GSAP: variants seen among roughly 807,000 people sequenced by gnomAD.
GSAP encodes the protein gamma-secretase-activating protein.
A neutral mutation model predicts 131.7 loss-of-function variants in GSAP; 118 were observed. That is an observed-to-expected ratio of 0.90 (90% confidence interval 0.77 to 1.04). The LOEUF is 1.04. GSAP is among the 50% of genes least tolerant of loss of function. The probability of loss-of-function intolerance (pLI) is 0.00; values close to 1 mark genes in which losing one functional copy is unlikely to be tolerated. For missense variants in GSAP, 1,019 were observed against 1,013.2 expected (o/e 1.01, Z -0.08); for synonymous variants, 381 against 363.4 (o/e 1.05, Z -0.55).
intron 14 of GSAP, among the ~76,000 whole-genome samples, chr7:77,357,105 C>T (rs570103838): frequency 2.8e-4 from 42 of 152,124 alleles, no homozygotes; most frequent in Non-Finnish European, 5.1e-4. Flanking sequence ...GCACTATGTC[C>T]GTGGGGTGGT....
rs1352156235 is a variant in GSAP at position 77,406,020 on chromosome 7, T to C, written c.186+9A>G. On this transcript the variant is annotated intron_variant, in intron 2 of 30. Transcript: ENST00000257626. The stretch of plus-strand genomic sequence containing the variant: ...CATCTTACCACAATAAAAAAGAATA[T>C]AGACATACCTTATAGGTATAAATAA... 2 of 904,914 alleles carry C rather than the reference T, an allele frequency of 2.2e-6. No individual in the cohort carries two copies. The highest frequency in any genetic ancestry group is 3.1e-6 in the Non-Finnish European group (2 of 646,138). The allele number at this position is 904,914 out of a possible 1,614,324, so 56.1% of individuals were successfully genotyped here. A position where few individuals can be genotyped will look rare whatever the true frequency, so the allele number is the denominator to read the frequency against.
intron 3 of GSAP, among the ~76,000 whole-genome samples, chr7:77,400,922 A>C (rs1176529669): frequency 2.7e-5 from 4 of 150,676 alleles, no homozygotes; most frequent in Non-Finnish European, 5.9e-5. Context: ...CACAACTGAA[A>C]AATACAATTA....
intron 3 of GSAP, among the ~76,000 whole-genome samples, chr7:77,400,648 A>C (rs1336763270): frequency 3.3e-5 from 5 of 152,230 alleles, no homozygotes; most frequent in Non-Finnish European, 7.3e-5. Context: ...AAGACTTAAA[A>C]AACATCCAGA....
chr7:77,347,088 G>A (rs943506561), intron 19 of GSAP, among the ~76,000 whole-genome samples: 4 of 152,096 alleles, frequency 2.6e-5, no homozygotes, highest in Non-Finnish European at 1.5e-5. Context: ...CTGAACAGGT[G>A]GAGGTTCCTG....
At chr7:77,349,850 ATTCT>A (rs1165776470) in intron 18 of GSAP, among the ~76,000 whole-genome samples, 1 of 152,142 alleles carries the variant, frequency 6.6e-6, no homozygotes, top group Non-Finnish European at 1.5e-5. Context: ...GACTAACAGG[ATTCT>A]TGCATGACTT....
At chr7:77,388,036 T>C (rs920682075) in intron 5 of GSAP, among the ~76,000 whole-genome samples, 1 of 152,328 alleles carries the variant, frequency 6.6e-6, no homozygotes, top group East Asian at 1.9e-4. Flanking sequence ...TCTGAAAATA[T>C]AAATATGCTA....
In GSAP at chr7:77,323,718, A is replaced by T. The variant is rs115276604; in HGVS notation, c.1852T>A (p.Phe618Ile). The change falls in exon 24 of 31, where the codon TTT (phenylalanine) becomes ATT (isoleucine). Residue 618 changes from phenylalanine to isoleucine, a missense_variant. By Grantham distance (21) the Phe-to-Ile change is conservative. Transcript: ENST00000257626. ...GLMVSELKDH[F>I]LRHLQGVEKK... ...TCTACACCCTGTAGGTGTCTCAAAAAATGGTCTTTTAGCTCAGACACCATC... is the reference window on the plus strand; with the variant it reads ...TCTACACCCTGTAGGTGTCTCAAAATATGGTCTTTTAGCTCAGACACCATC... 3,803 of 1,599,544 alleles carry T rather than the reference A, an allele frequency of 2.4e-3. 75 individuals are homozygous for T. The African/African-American group carries it at 0.045, about 19-fold the overall frequency.
rs1554395428 is a variant in GSAP at position 77,346,287 on chromosome 7, A to AAAAAAAG, written c.1545+3063_1545+3064insCTTTTTT. 2.7e-4 allele frequency among the ~76,000 whole-genome samples: 40 copies of AAAAAAAG among 150,402 alleles called. 1 individual carries two copies. The East Asian group carries it at 5.7e-3, about 21-fold the overall frequency. ...CTCCATCTCAAAAAAAAAAAAAAAA[A>AAAAAAAG]AAAGAAAGAAAGAAAAAAAATTCTC... On this transcript the variant is annotated intron_variant, in intron 19 of 30. Transcript: ENST00000257626.
rs1382971595 is a variant in GSAP at position 77,378,802 on chromosome 7, T to A, written c.577-1412A>T. Among the ~76,000 whole-genome samples, 7 of 152,318 alleles carry A rather than the reference T, an allele frequency of 4.6e-5. No homozygotes were observed. In the East Asian group the frequency reaches 1.4e-3, roughly 29 times the overall value. ...ATAATTTAACAGAAGCAGTTAAGAA[T>A]TAACTTTCCTCAAAATGCTTATTAA... On this transcript the variant is annotated intron_variant, in intron 8 of 30. Coordinates refer to ENST00000257626, the MANE Select transcript of GSAP (RefSeq NM_017439.4).
At chr7:77,312,354 T>G (rs1794478948) in intron 28 of GSAP, 152 bp from the exon 29 acceptor site, 2 of 540,864 alleles carry the variant, frequency 3.7e-6, no homozygotes, top group African/African-American at 3.8e-5. Context: ...AGAAATGCCA[T>G]GTTCCTATGA....
intron 14 of GSAP, among the ~76,000 whole-genome samples, chr7:77,357,116 G>A (rs1793868317): frequency 1.3e-5 from 2 of 152,250 alleles, no homozygotes; most frequent in South Asian, 2.1e-4. Context: ...GTGGGGTGGT[G>A]GCATTTGAAA....
intron 16 of GSAP, 119 bp downstream of exon 16, chr7:77,355,094 G>T: frequency 1.5e-6 from 1 of 661,406 alleles, no homozygotes; most frequent in Non-Finnish European, 2.6e-6. Context: ...CAGCAGCAAG[G>T]CCACACACCT....
chr7:77,311,963 T>C (rs181484426), intron 29 of GSAP, 23 bp from the exon 30 acceptor site: 2 of 1,367,402 alleles, frequency 1.5e-6, no homozygotes, highest in East Asian at 2.3e-5. Context: ...CCACTTCTGG[T>C]GTAAGCTGAT....
chr7:77,361,457 A>C (rs1186465243), intron 13 of GSAP, among the ~76,000 whole-genome samples: 4 of 152,204 alleles, frequency 2.6e-5, no homozygotes, highest in African/African-American at 9.6e-5. Flanking sequence ...ATTTTCCACA[A>C]AAATCTCAAA....
At chr7:77,342,867 C>A (rs553605843) in intron 19 of GSAP, among the ~76,000 whole-genome samples, 92 of 152,300 alleles carry the variant, frequency 6.0e-4, no homozygotes, top group Non-Finnish European at 9.3e-4. Flanking sequence ...TGCCTATCCA[C>A]CCCACAGTGC....
intron 6 of GSAP, among the ~76,000 whole-genome samples, chr7:77,385,252 T>C (rs1048928482): frequency 6.6e-6 from 1 of 152,134 alleles, no homozygotes; most frequent in African/African-American, 2.4e-5. Flanking sequence ...CAGGCTGGTC[T>C]CAAACTCCTG....
At chr7:77,409,688 A>G (rs1256985806) in intron 1 of GSAP, among the ~76,000 whole-genome samples, 3 of 152,170 alleles carry the variant, frequency 2.0e-5, no homozygotes, top group Non-Finnish European at 4.4e-5. Context: ...TTTTCTTTCA[A>G]GATTATAAGT....
chr7:77,408,819 T>C (rs967738237), intron 1 of GSAP, among the ~76,000 whole-genome samples: 7 of 151,914 alleles, frequency 4.6e-5, no homozygotes, highest in African/African-American at 1.7e-4. Flanking sequence ...ACAAAACATA[T>C]GCAAACTATC....
chr7:77,351,623 T>C, intron 18 of GSAP: 1 of 985,720 alleles, frequency 1.0e-6, no homozygotes, highest in South Asian at 4.7e-5. Flanking sequence ...TTTCTTTATA[T>C]CGCTCTTCTT....
Sources: gnomAD v4.1 joint callset for allele counts (sites outside exome capture counted in the v4.1 genomes callset) on GRCh38, gnomAD v4.1.1 for gene constraint, MANE v1.5 for transcripts, NCBI Gene and HGNC (gene_info 2026-07-23, HGNC 2026-07-21) for gene names.